The following AKAP6 variants were observed in gnomAD, a reference collection of about 807,000 sequenced individuals.
AKAP6 encodes the protein A-kinase anchoring protein 6.
In AKAP6, 58 loss-of-function variants were observed where a neutral mutation model predicts 188.5. The ratio of observed to expected loss-of-function variants is 0.31; its 90% CI spans 0.25 to 0.38. AKAP6 has a LOEUF of 0.38. Among genes scored for constraint, AKAP6 ranks in the 10% least tolerant of loss-of-function variants. The pLI is 1.00. For missense variants in AKAP6, 2,710 were observed against 2,740.0 expected, an observed-to-expected ratio of 0.99 and a Z score of 0.24; for synonymous variants, 989 against 998.6, an observed-to-expected ratio of 0.99 and a Z score of 0.18.
chr14:32,706,166 C>T (rs568701278), intron 9 of AKAP6, among the ~76,000 whole-genome samples: 1 of 152,258 alleles, frequency 6.6e-6, no homozygotes, highest in Admixed American at 6.5e-5. Context: ...CTCATTGTTG[C>T]CCCATATCAT....
chr14:32,442,931 G>A (rs1045433380), intron 2 of AKAP6, among the ~76,000 whole-genome samples: 6 of 152,238 alleles, frequency 3.9e-5, no homozygotes, highest in Non-Finnish European at 5.9e-5. Context: ...AAAGTGAAAA[G>A]GAAGTAAGAT....
intron 4 of AKAP6, among the ~76,000 whole-genome samples, chr14:32,570,201 G>T (rs1884415094): frequency 6.8e-6 from 1 of 147,360 alleles, no homozygotes; most frequent in South Asian, 2.2e-4. Flanking sequence ...AGCAATCTCG[G>T]CTCACTGCAA....
At chr14:32,407,172 C>A (rs1889322997) in intron 1 of AKAP6, among the ~76,000 whole-genome samples, 1 of 152,156 alleles carries the variant, frequency 6.6e-6, no homozygotes, top group African/African-American at 2.4e-5. Flanking sequence ...CTTTCCCATC[C>A]CCTTCTTGGC....
At chr14:32,352,103 T>TGTTTG (rs1887300629) in intron 1 of AKAP6, among the ~76,000 whole-genome samples, 11 of 120,404 alleles carry the variant, frequency 9.1e-5, no homozygotes, top group African/African-American at 1.8e-4. Context: ...GTGTGTGTGT[T>TGTTTG]TGTGTGTGTG....
At chr14:32,726,591 G>A (rs2030885739) in intron 9 of AKAP6, among the ~76,000 whole-genome samples, 1 of 152,186 alleles carries the variant, frequency 6.6e-6, no homozygotes, top group Non-Finnish European at 1.5e-5. Flanking sequence ...AACACGTTAT[G>A]GTGAAAAGAG....
At chr14:32,470,150 A>G (rs772313948) in intron 2 of AKAP6, among the ~76,000 whole-genome samples, 15 of 152,152 alleles carry the variant, frequency 9.9e-5, no homozygotes, top group Non-Finnish European at 1.6e-4. Context: ...AACATCAACT[A>G]GGCTATTTGA....
intron 11 of AKAP6, among the ~76,000 whole-genome samples, chr14:32,757,614 T>C (rs2032386531): frequency 6.6e-6 from 1 of 152,226 alleles, no homozygotes; most frequent in African/African-American, 2.4e-5. Context: ...GAGATATTTT[T>C]AATTTATTCA....
At chr14:32,348,336 G>A (rs970951689) in intron 1 of AKAP6, among the ~76,000 whole-genome samples, 8 of 151,756 alleles carry the variant, frequency 5.3e-5, no homozygotes, top group African/African-American at 1.2e-4. Context: ...CCCAAACTGA[G>A]AATGTTTAGT....
chr14:32,565,803 A>G lies in AKAP6; in HGVS notation c.2347-11317A>G, dbSNP rs1235314842. Among the ~76,000 whole-genome samples, 8 of 152,260 alleles carry G rather than the reference A, an allele frequency of 5.3e-5. No individual in the cohort carries two copies. In the East Asian group the frequency reaches 1.5e-3, roughly 29 times the overall value. ...TTTTGAGTGTTAGTTAGCCAGGATC[A>G]GCTACTTGAGAGTTCTCAGAATAAG... On this transcript the variant is annotated intron_variant, in intron 4 of 13. Transcript: ENST00000280979.
At chr14:32,756,952 G>A (rs866452667) in intron 11 of AKAP6, among the ~76,000 whole-genome samples, 65 of 152,212 alleles carry the variant, frequency 4.3e-4, no homozygotes, top group African/African-American at 1.4e-3. Flanking sequence ...TTGGAGACTG[G>A]GTCCATGAGT....
At chr14:32,735,606 G>GTTT (rs139360332) in intron 10 of AKAP6, 52 bp from the exon 11 acceptor site, 2,868 of 1,315,560 alleles carry the variant, frequency 2.2e-3, no homozygotes, top group Middle Eastern at 4.5e-3. Context: ...TGTTCGTGGG[G>GTTT]TTTTTTTTTG....
At chr14:32,479,901 A>G (rs1879252350) in intron 2 of AKAP6, among the ~76,000 whole-genome samples, 1 of 152,176 alleles carries the variant, frequency 6.6e-6, no homozygotes, top group Non-Finnish European at 1.5e-5. Context: ...ATTGTTTATA[A>G]TCTACCCAGT....
At chr14:32,687,820 G>T (rs1889999896) in intron 8 of AKAP6, among the ~76,000 whole-genome samples, 1 of 152,050 alleles carries the variant, frequency 6.6e-6, no homozygotes, top group South Asian at 2.1e-4. Context: ...GTGCCTGGCT[G>T]CTTCCTGGAT....
At chr14:32,468,197 C>G (rs922094395) in intron 2 of AKAP6, among the ~76,000 whole-genome samples, 2 of 152,128 alleles carry the variant, frequency 1.3e-5, no homozygotes, top group Non-Finnish European at 2.9e-5. Flanking sequence ...AAGAGAAACA[C>G]TGGCACCTTG....
At chr14:32,746,923 T>C (rs1329840551) in intron 11 of AKAP6, among the ~76,000 whole-genome samples, 1 of 152,182 alleles carries the variant, frequency 6.6e-6, no homozygotes. Context: ...TTAAAATTTA[T>C]AGAACAGGGC....
At chr14:32,736,731 G>C (rs1378005774) in intron 11 of AKAP6, among the ~76,000 whole-genome samples, 1 of 152,094 alleles carries the variant, frequency 6.6e-6, no homozygotes, top group Non-Finnish European at 1.5e-5. Context: ...TCTTCTCAAA[G>C]CATCGTAGGA....
intron 1 of AKAP6, among the ~76,000 whole-genome samples, chr14:32,391,229 A>C (rs529147926): frequency 6.6e-6 from 1 of 152,300 alleles, no homozygotes; most frequent in East Asian, 1.9e-4. Context: ...TCTCATGTTC[A>C]ATCTCTAGTG....
chr14:32,379,524 G>T (rs1406986343), intron 1 of AKAP6, among the ~76,000 whole-genome samples: 2 of 151,854 alleles, frequency 1.3e-5, no homozygotes, highest in Non-Finnish European at 1.5e-5. Context: ...ATCTCATTCT[G>T]CTCCTCACTT....
intron 1 of AKAP6, among the ~76,000 whole-genome samples, chr14:32,348,421 T>C (rs1466648563): frequency 7.6e-6 from 1 of 131,878 alleles, no homozygotes; most frequent in Non-Finnish European, 1.5e-5. Context: ...TTGTTTCTTT[T>C]TTTTTTTTTT....
Sources: gnomAD v4.1 joint callset for allele counts (sites outside exome capture counted in the v4.1 genomes callset) on GRCh38, gnomAD v4.1.1 for gene constraint, MANE v1.5 for transcripts, NCBI Gene and HGNC (gene_info 2026-07-23, HGNC 2026-07-21) for gene names.